YIPF7: variants seen among roughly 807,000 people sequenced by gnomAD.
YIPF7 encodes the protein protein YIPF7.
Under a neutral mutation model 27.2 loss-of-function variants are expected in YIPF7, and 35 were observed. The observed-to-expected ratio is 1.29, with a 90% CI of 0.98 to 1.70. The LOEUF is 1.70. Ranked by LOEUF, YIPF7 falls within the 40% of genes most tolerant of loss-of-function variation. The probability of loss-of-function intolerance (pLI) is 0.00; values close to 1 mark genes in which losing one functional copy is unlikely to be tolerated. For missense variants in YIPF7, 358 were observed against 303.7 expected (o/e 1.18, Z -1.33); for synonymous variants, 137 against 110.4 (o/e 1.24, Z -1.51).
At chr4:44,632,542 CCAAA>C (rs1712946280) in intron 3 of YIPF7, among the ~76,000 whole-genome samples, 1 of 152,008 alleles carries the variant, frequency 6.6e-6, no homozygotes, top group Non-Finnish European at 1.5e-5. Flanking sequence ...TTACATAAAA[CCAAA>C]CAAATATTTT....
In YIPF7 at chr4:44,658,435, T is replaced by A. The variant is rs1713958468; in HGVS notation, c.-2+2014A>T. Among the ~76,000 whole-genome samples the A allele has an allele frequency of 2.0e-5, 3 of 152,202 alleles. No homozygotes were observed. In the South Asian group the frequency reaches 6.2e-4, roughly 32 times the overall value. On this transcript the variant is annotated intron_variant, in intron 2 of 2. Transcript: ENST00000508947. The stretch of plus-strand genomic sequence containing the variant: ...AGCCACCCTGTCTATGTCACTTTTT[T>A]ATTGAAGCCTGAATAGACTAAGACA...
intron 2 of YIPF7, among the ~76,000 whole-genome samples, chr4:44,636,888 A>T (rs1713143491): frequency 6.6e-6 from 1 of 152,306 alleles, no homozygotes; most frequent in African/African-American, 2.4e-5. Flanking sequence ...TAACTAATTT[A>T]TCATCACTCC....
chr4:44,643,538 T>TA (rs903734264), intron 2 of YIPF7, among the ~76,000 whole-genome samples: 7 of 151,722 alleles, frequency 4.6e-5, no homozygotes, highest in Admixed American at 1.3e-4. Context: ...TTGCATAAGT[T>TA]AAAAAAAAGA....
At chr4:44,624,459 A>T in intron 5 of YIPF7, 142 bp downstream of exon 5, 1 of 928,888 alleles carries the variant, frequency 1.1e-6, no homozygotes, top group Non-Finnish European at 1.5e-6. Context: ...TACTTTTCTT[A>T]ATCTATGAGT....
chr4:44,653,674 A>G (rs1713805745), upstream of YIPF7, among the ~76,000 whole-genome samples: 1 of 152,144 alleles, frequency 6.6e-6, no homozygotes, highest in African/African-American at 2.4e-5. Context: ...ATTACTGAGG[A>G]TGATTTCTAG....
Position 44,622,357 on chromosome 4 carries a change from A to G in YIPF7, c.*57T>C. ...TATCACCAAATTTGAATGTTAATATATTTCCAAAATAATCTGGACAGCAAA... is the reference window on the plus strand; with the variant it reads ...TATCACCAAATTTGAATGTTAATATGTTTCCAAAATAATCTGGACAGCAAA... On this transcript the variant is annotated 3_prime_UTR_variant, in exon 6 of 6. Transcript: ENST00000415895. 1 of 1,536,422 alleles carries G rather than the reference A, an allele frequency of 6.5e-7. No homozygotes were observed. Among genetic ancestry groups the G allele is most frequent in the Admixed American group, 2.1e-5 (1 of 46,978 alleles).
intron 3 of YIPF7, among the ~76,000 whole-genome samples, chr4:44,634,521 G>A (rs1018288413): frequency 6.6e-6 from 1 of 151,682 alleles, no homozygotes. Flanking sequence ...AACAGAGTAA[G>A]ACTCCATCTC....
chr4:44,659,613 C>A (rs1169685050), intron 2 of YIPF7, among the ~76,000 whole-genome samples: 1 of 151,980 alleles, frequency 6.6e-6, no homozygotes, highest in Admixed American at 6.6e-5. Flanking sequence ...ATCAAGTTAG[C>A]AAAGATACAA....
At chr4:44,638,668 A>G (rs530843854) in intron 2 of YIPF7, among the ~76,000 whole-genome samples, 1 of 151,988 alleles carries the variant, frequency 6.6e-6, no homozygotes, top group Admixed American at 6.6e-5. Context: ...TCTGTTGATT[A>G]TTTCTTTTGC....
At chr4:44,652,256 C>T (rs1713760830), upstream of YIPF7, among the ~76,000 whole-genome samples, 1 of 152,142 alleles carries the variant, frequency 6.6e-6, no homozygotes, top group South Asian at 2.1e-4. Context: ...TGAATTGGCC[C>T]TTCTCTGTAT....
intron 1 of YIPF7, among the ~76,000 whole-genome samples, chr4:44,650,900 T>C (rs1043203430): frequency 6.6e-6 from 1 of 152,144 alleles, no homozygotes. Flanking sequence ...AGAGAGGTAA[T>C]AGTGGCTCTT....
At chr4:44,661,286 G>A (rs894065616) in intron 1 of YIPF7, among the ~76,000 whole-genome samples, 1 of 152,148 alleles carries the variant, frequency 6.6e-6, no homozygotes, top group African/African-American at 2.4e-5. Context: ...ATACTTAGCC[G>A]GGCTTCTAAA....
At chr4:44,652,901 A>G (rs1246721827), upstream of YIPF7, among the ~76,000 whole-genome samples, 2 of 152,174 alleles carry the variant, frequency 1.3e-5, no homozygotes, top group East Asian at 3.9e-4. Context: ...TAGTAGGTGA[A>G]AAAGCCAATG....
At chr4:44,636,112 A>C (rs369217732) in intron 2 of YIPF7, 27 bp from the exon 3 acceptor site, 2 of 1,574,164 alleles carry the variant, frequency 1.3e-6, no homozygotes, top group Non-Finnish European at 1.7e-6. Context: ...ACAAACATTT[A>C]CATGTCTAAG....
intron 5 of YIPF7, among the ~76,000 whole-genome samples, chr4:44,624,073 T>TG (rs1712534737): frequency 6.6e-6 from 1 of 151,638 alleles, no homozygotes; most frequent in East Asian, 1.9e-4. Flanking sequence ...TTTTTTTTTT[T>TG]TTTTATTTTG....
intron 3 of YIPF7, among the ~76,000 whole-genome samples, chr4:44,632,805 A>G (rs1180048740): frequency 6.6e-6 from 1 of 152,212 alleles, no homozygotes; most frequent in East Asian, 1.9e-4. Flanking sequence ...CTTGAAGAAC[A>G]CATTGGATCC....
intron 4 of YIPF7, among the ~76,000 whole-genome samples, chr4:44,629,014 G>T (rs1290195449): frequency 6.6e-6 from 1 of 152,026 alleles, no homozygotes; most frequent in African/African-American, 2.4e-5. Flanking sequence ...CAAAGAAGAT[G>T]GTGACCAAAG....
chr4:44,641,533 A>C (rs1240826222), intron 2 of YIPF7, among the ~76,000 whole-genome samples: 1 of 152,186 alleles, frequency 6.6e-6, no homozygotes, highest in African/African-American at 2.4e-5. Flanking sequence ...CCTTGGGGTA[A>C]ACTGAATGTA....
intron 2 of YIPF7, among the ~76,000 whole-genome samples, chr4:44,643,525 C>A (rs947674299): frequency 6.6e-6 from 1 of 152,070 alleles, no homozygotes; most frequent in Non-Finnish European, 1.5e-5. Context: ...AGGCTACAAA[C>A]AATTGCATAA....
Sources: allele counts gnomAD v4.1 joint callset (sites outside exome capture counted in the v4.1 genomes callset), GRCh38; gene constraint gnomAD v4.1.1; transcripts MANE v1.5; gene names NCBI Gene and HGNC (gene_info 2026-07-23, HGNC 2026-07-21).